The following WDR49 variants were observed in gnomAD, a reference collection of about 807,000 sequenced individuals.
The protein encoded by WDR49 is cilia- and flagella-associated protein 337.
In WDR49, 107 loss-of-function variants were observed where a neutral mutation model predicts 119.5. The ratio of observed to expected loss-of-function variants is 0.90; its 90% CI spans 0.77 to 1.05. The LOEUF is 1.05. Among genes scored for constraint, WDR49 ranks in the 50% least tolerant of loss-of-function variants. WDR49 has a pLI of 0.00. For synonymous variants in WDR49, 425 were observed against 418.8 expected, an observed-to-expected ratio of 1.01 and a Z score of -0.18; for missense variants, 1,240 against 1,220.5, an observed-to-expected ratio of 1.02 and a Z score of -0.24.
chr3:167,488,145 AACACACAC>A (rs57719248), intron 18 of WDR49, among the ~76,000 whole-genome samples: 17,292 of 136,156 alleles, frequency 0.13, 1,163 homozygotes, highest in African/African-American at 0.2. Flanking sequence ...GATACACTCA[AACACACAC>A]ACACACACAC....
At chr3:167,655,554 C>T (rs1718572821), upstream of WDR49, among the ~76,000 whole-genome samples, 1 of 152,046 alleles carries the variant, frequency 6.6e-6, no homozygotes, top group African/African-American at 2.4e-5. Context: ...TTCATTCATG[C>T]TTTCATTTTT....
At chr3:167,481,922 C>A (rs1380629439) in intron 18 of WDR49, among the ~76,000 whole-genome samples, 1 of 152,050 alleles carries the variant, frequency 6.6e-6, no homozygotes, top group Non-Finnish European at 1.5e-5. Context: ...GGGAATACAG[C>A]CAAACCATAT....
At chr3:167,485,245 T>TG (rs1750876714) in intron 18 of WDR49, among the ~76,000 whole-genome samples, 1 of 151,956 alleles carries the variant, frequency 6.6e-6, no homozygotes, top group Non-Finnish European at 1.5e-5. Flanking sequence ...CTAATGCATG[T>TG]GGGGCTTAAA....
chr3:167,576,492 G>A (rs1714259679), intron 7 of WDR49, among the ~76,000 whole-genome samples: 1 of 152,136 alleles, frequency 6.6e-6, no homozygotes, highest in South Asian at 2.1e-4. Context: ...TATCTTAGGT[G>A]GCAAAAGAGA....
chr3:167,482,643 C>T (rs1750762003), intron 18 of WDR49, among the ~76,000 whole-genome samples: 1 of 148,230 alleles, frequency 6.7e-6, no homozygotes, highest in African/African-American at 2.5e-5. Context: ...CGTGCCATTG[C>T]ACTCCAGCCT....
At chr3:167,577,895 C>T (rs1714330564) in intron 7 of WDR49, among the ~76,000 whole-genome samples, 1 of 152,074 alleles carries the variant, frequency 6.6e-6, no homozygotes, top group Non-Finnish European at 1.5e-5. Context: ...TATCCCAACT[C>T]ATCAAATGCC....
At chr3:167,587,753 GTAT>G (rs1349262308) in intron 7 of WDR49, among the ~76,000 whole-genome samples, 1 of 152,036 alleles carries the variant, frequency 6.6e-6, no homozygotes, top group Admixed American at 6.6e-5. Flanking sequence ...CAAAGTGTTG[GTAT>G]TACAAGCGTG....
chr3:167,557,708 G>A (rs976626968), intron 9 of WDR49, among the ~76,000 whole-genome samples: 4 of 146,516 alleles, frequency 2.7e-5, no homozygotes, highest in South Asian at 2.1e-4. Flanking sequence ...AGCTGAGATC[G>A]TGCCACTGCA....
chr3:167,589,000 G>T (rs1714970363), intron 7 of WDR49, among the ~76,000 whole-genome samples: 1 of 151,902 alleles, frequency 6.6e-6, no homozygotes, highest in South Asian at 2.1e-4. Context: ...TATTGCTCAA[G>T]AAATTTTTGC....
chr3:167,482,139 A>G (rs1245038492), intron 18 of WDR49, among the ~76,000 whole-genome samples: 1 of 152,182 alleles, frequency 6.6e-6, no homozygotes, highest in Non-Finnish European at 1.5e-5. Flanking sequence ...CAACCACACA[A>G]AATAATCAAG....
At chr3:167,479,277 C>T (rs1223452864) in intron 18 of WDR49, among the ~76,000 whole-genome samples, 1 of 152,000 alleles carries the variant, frequency 6.6e-6, no homozygotes, top group Admixed American at 6.6e-5. Context: ...TCCTGTTTTC[C>T]ATTTTTGTTT....
chr3:167,565,399 A>AC (rs1311089451), intron 8 of WDR49, among the ~76,000 whole-genome samples: 1 of 142,660 alleles, frequency 7.0e-6, no homozygotes, highest in African/African-American at 2.7e-5. Flanking sequence ...ACACACACAC[A>AC]CACACACACA....
intron 16 of WDR49, among the ~76,000 whole-genome samples, chr3:167,512,648 G>C (rs185914539): frequency 2.9e-4 from 44 of 152,286 alleles, no homozygotes; most frequent in Admixed American, 5.2e-4. Flanking sequence ...CAGAAGGTGG[G>C]TAATAAACTT....
intron 7 of WDR49, among the ~76,000 whole-genome samples, chr3:167,596,971 A>C: frequency 6.6e-6 from 1 of 151,226 alleles, no homozygotes; most frequent in East Asian, 1.9e-4. Flanking sequence ...AAAAGAAAAG[A>C]AAAACCCATT....
chr3:167,597,313 G>T (rs778014475), intron 7 of WDR49, among the ~76,000 whole-genome samples: 7 of 152,246 alleles, frequency 4.6e-5, no homozygotes, highest in Non-Finnish European at 8.8e-5. Context: ...TGGGTGCACA[G>T]AAGACAAGAG....
rs1752298108 is a variant in WDR49, at chr3:167,518,321, A to G, written c.2774+3994T>C. Among the ~76,000 whole-genome samples, 3 of 151,642 alleles carry G rather than the reference A, an allele frequency of 2.0e-5. No homozygotes were observed. In the South Asian group the frequency reaches 6.3e-4, roughly 32 times the overall value. ...GAGGAATCGCCACACTGACTTCCAC[A>G]ATGGTTGAACTAGTTTACAGTCCCA... On this transcript the variant is annotated intron_variant, in intron 16 of 18. Coordinates refer to ENST00000682715, the MANE Select transcript of WDR49 (RefSeq NM_001366157.1).
intron 2 of WDR49, among the ~76,000 whole-genome samples, chr3:167,629,601 G>A (rs572846554): frequency 6.6e-6 from 1 of 152,170 alleles, no homozygotes; most frequent in South Asian, 2.1e-4. Context: ...TGATTCCTCT[G>A]GTGGATGTGA....
chr3:167,608,863 A>G (rs1231020046), intron 5 of WDR49, among the ~76,000 whole-genome samples: 1 of 152,178 alleles, frequency 6.6e-6, no homozygotes, highest in Non-Finnish European at 1.5e-5. Context: ...CAACTTGATT[A>G]TATTTATCCA....
At chr3:167,597,615 A>T (rs1288503749) in intron 7 of WDR49, among the ~76,000 whole-genome samples, 1 of 152,030 alleles carries the variant, frequency 6.6e-6, no homozygotes, top group Non-Finnish European at 1.5e-5. Flanking sequence ...AGCAGCCACA[A>T]GGATGGTACC....
Sources: allele counts gnomAD v4.1 joint callset (sites outside exome capture counted in the v4.1 genomes callset), GRCh38; gene constraint gnomAD v4.1.1; transcripts MANE v1.5; gene names NCBI Gene and HGNC (gene_info 2026-07-23, HGNC 2026-07-21).